The following NAALADL2 variants were observed in gnomAD, a reference collection of about 807,000 sequenced individuals.
The protein encoded by NAALADL2 is inactive N-acetylated-alpha-linked acidic dipeptidase-like protein 2.
Under a neutral mutation model 87.2 loss-of-function variants are expected in NAALADL2, and 76 were observed. The ratio of observed to expected loss-of-function variants is 0.87; its 90% CI spans 0.72 to 1.05. NAALADL2 has a LOEUF of 1.05. Among genes scored for constraint, NAALADL2 ranks in the 50% least tolerant of loss-of-function variants. The pLI is 0.00. For missense variants in NAALADL2, 1,089 were observed against 945.8 expected, an observed-to-expected ratio of 1.15 and a Z score of -1.99; for synonymous variants, 354 against 331.0, an observed-to-expected ratio of 1.07 and a Z score of -0.75.
chr3:175,256,815 G>T, intron 4 of NAALADL2: 1 of 205,034 alleles, frequency 4.9e-6, no homozygotes, highest in Non-Finnish European at 9.7e-6. Context: ...TAATAAAATT[G>T]GCATACTCTT....
At chr3:174,764,551 A>C (rs982880126) in intron 3 of NAALADL2, among the ~76,000 whole-genome samples, 2 of 152,344 alleles carry the variant, frequency 1.3e-5, no homozygotes, top group South Asian at 2.1e-4. Flanking sequence ...TGTAGGTTGC[A>C]ATGAGCCAAG....
chr3:175,480,344 T>C (rs1726273524), intron 9 of NAALADL2, among the ~76,000 whole-genome samples: 1 of 151,796 alleles, frequency 6.6e-6, no homozygotes, highest in African/African-American at 2.4e-5. Context: ...TAGCGCATTG[T>C]TGTAGACATA....
At chr3:174,875,848 C>G (rs1462240736) in intron 1 of NAALADL2, among the ~76,000 whole-genome samples, 3 of 151,916 alleles carry the variant, frequency 2.0e-5, no homozygotes, top group African/African-American at 7.3e-5. Context: ...TTACATGGAC[C>G]ATTAAAGCCA....
At chr3:175,248,788 A>G (rs545730666) in intron 3 of NAALADL2, among the ~76,000 whole-genome samples, 13 of 152,270 alleles carry the variant, frequency 8.5e-5, no homozygotes, top group East Asian at 3.9e-4. Flanking sequence ...ATATATCCAT[A>G]TAGTATTATT....
At chr3:175,387,146 G>T (rs140823971) in intron 5 of NAALADL2, among the ~76,000 whole-genome samples, 1 of 152,004 alleles carries the variant, frequency 6.6e-6, no homozygotes, top group Non-Finnish European at 1.5e-5. Flanking sequence ...CACTAAAAGT[G>T]GGAAAGACTT....
chr3:175,419,521 A>T (rs1715280684), intron 5 of NAALADL2, among the ~76,000 whole-genome samples: 1 of 151,984 alleles, frequency 6.6e-6, no homozygotes, highest in African/African-American at 2.4e-5. Context: ...AACCATTTCT[A>T]TCTTCCAGTA....
At chr3:175,757,500 T>C (rs1051714465) in intron 13 of NAALADL2, among the ~76,000 whole-genome samples, 6 of 152,164 alleles carry the variant, frequency 3.9e-5, no homozygotes, top group Non-Finnish European at 8.8e-5. Flanking sequence ...TAGTAAAATA[T>C]GTTTTTAAAG....
intron 1 of NAALADL2, among the ~76,000 whole-genome samples, chr3:174,922,249 G>T (rs1735332436): frequency 6.6e-6 from 1 of 151,400 alleles, no homozygotes; most frequent in Non-Finnish European, 1.5e-5. Context: ...GTTCAAGGGG[G>T]TATTGAGCTG....
At position 174,500,596 on chromosome 3, in the gene NAALADL2, T is replaced by A. The variant is rs75468261; in HGVS notation, c.-183-49973T>A. Among the ~76,000 whole-genome samples, 325 of 152,308 alleles carry A rather than the reference T, an allele frequency of 2.1e-3. 8 individuals carry two copies. In the East Asian group the frequency reaches 0.045, roughly 21 times the overall value. ...TGATGTTAAATGGACATTGTTTTTT[T>A]AAAATGCCTTTGTCATGTTGAGGAA... On this transcript the variant is annotated intron_variant, in intron 1 of 3. Coordinates refer to the NAALADL2 transcript ENST00000434257.
intron 1 of NAALADL2, among the ~76,000 whole-genome samples, chr3:174,872,560 A>G (rs79138126): frequency 0.015 from 2,245 of 152,328 alleles, 27 homozygotes; most frequent in Middle Eastern, 0.027. Context: ...GCCTTTGTTC[A>G]TCCAACAAAT....
rs186283897 is a variant in NAALADL2 at position 175,666,642 on chromosome 3, A to T, written c.1896+39256A>T. Among the ~76,000 whole-genome samples, 31 of 152,290 alleles carry T rather than the reference A, an allele frequency of 2.0e-4. No individual in the cohort carries two copies. In the East Asian group the frequency reaches 6.0e-3, roughly 29 times the overall value. On this transcript the variant is annotated intron_variant, in intron 11 of 13. Coordinates refer to ENST00000454872, the MANE Select transcript of NAALADL2 (RefSeq NM_207015.3). ...AGAGTTCAAATTTGTTTTATTTGTT[A>T]TCTTAGCTTTGTAGCTAGCAGAATC...
intron 2 of NAALADL2, among the ~76,000 whole-genome samples, chr3:175,210,884 T>G (rs1002119919): frequency 1.3e-5 from 2 of 151,822 alleles, no homozygotes; most frequent in Admixed American, 1.3e-4. Context: ...AAAATTACTA[T>G]GATTATAGAG....
At chr3:175,574,977 T>A (rs1718650974) in intron 9 of NAALADL2, among the ~76,000 whole-genome samples, 1 of 152,230 alleles carries the variant, frequency 6.6e-6, no homozygotes, top group Non-Finnish European at 1.5e-5. Flanking sequence ...TGCCATTGCA[T>A]CTCAGAAATG....
At chr3:174,845,841 A>G (rs1197778772) in intron 3 of NAALADL2, among the ~76,000 whole-genome samples, 1 of 152,186 alleles carries the variant, frequency 6.6e-6, no homozygotes, top group Non-Finnish European at 1.5e-5. Context: ...TACTGCAGGC[A>G]TGCATGTTAA....
intron 5 of NAALADL2, among the ~76,000 whole-genome samples, chr3:175,364,034 T>C (rs1250437685): frequency 1.4e-5 from 2 of 147,928 alleles, no homozygotes; most frequent in Non-Finnish European, 3.0e-5. Context: ...TAGTTGTGAT[T>C]TCTGGTAGCT....
At chr3:174,665,094 C>T (rs767174685) in intron 2 of NAALADL2, among the ~76,000 whole-genome samples, 3 of 152,108 alleles carry the variant, frequency 2.0e-5, no homozygotes, top group Non-Finnish European at 4.4e-5. Context: ...CATGTCCTGA[C>T]CATTGATGCA....
At chr3:175,541,830 C>T (rs1255596920) in intron 9 of NAALADL2, among the ~76,000 whole-genome samples, 2 of 152,230 alleles carry the variant, frequency 1.3e-5, no homozygotes, top group East Asian at 1.9e-4. Flanking sequence ...TCAAGTGATT[C>T]TCCTGCCTCA....
At chr3:174,564,190 G>A (rs1578181114) in intron 2 of NAALADL2, among the ~76,000 whole-genome samples, 1 of 152,118 alleles carries the variant, frequency 6.6e-6, no homozygotes, top group Admixed American at 6.6e-5. Flanking sequence ...GTACTTTTAC[G>A]TATTTAGCAA....
At chr3:175,652,421 T>G in intron 11 of NAALADL2, among the ~76,000 whole-genome samples, 1 of 152,120 alleles carries the variant, frequency 6.6e-6, no homozygotes, top group Non-Finnish European at 1.5e-5. Flanking sequence ...GCTAGAACTG[T>G]TAAAATGTGC....
Sources: gnomAD v4.1 joint callset for allele counts (sites outside exome capture counted in the v4.1 genomes callset) on GRCh38, gnomAD v4.1.1 for gene constraint, MANE v1.5 for transcripts, NCBI Gene and HGNC (gene_info 2026-07-23, HGNC 2026-07-21) for gene names.